The following SAXO1 variants were observed in gnomAD, a reference collection of about 807,000 sequenced individuals.
The protein encoded by SAXO1 is 4930500O09Rik.
Under a neutral mutation model 17.5 loss-of-function variants are expected in SAXO1, and 21 were observed. The ratio of observed to expected loss-of-function variants is 1.20; its 90% CI spans 0.85 to 1.72. SAXO1 has a LOEUF of 1.72. Among genes scored for constraint, SAXO1 ranks in the 40% most tolerant of loss-of-function variants. The probability of loss-of-function intolerance (pLI) is 0.00; values close to 1 mark genes in which losing one functional copy is unlikely to be tolerated. For synonymous variants in SAXO1, 274 were observed against 216.5 expected (o/e 1.27, Z -2.33); for missense variants, 843 against 596.0 (o/e 1.41, Z -4.32).
intron 1 of SAXO1, among the ~76,000 whole-genome samples, chr9:19,014,777 C>G (rs1834899793): frequency 6.6e-6 from 1 of 152,130 alleles, no homozygotes; most frequent in Admixed American, 6.6e-5. Flanking sequence ...TGGGGAACAA[C>G]TGAATGTTGG....
In SAXO1 at chr9:18,944,026, G is replaced by A. The variant is rs548202555; in HGVS notation, c.219-2187C>T. 4.6e-5 allele frequency among the ~76,000 whole-genome samples: 7 copies of A among 152,314 alleles called. No homozygotes were observed. In the South Asian group the frequency reaches 8.3e-4, roughly 18 times the overall value. On this transcript the variant is annotated intron_variant, in intron 2 of 3. Transcript: ENST00000380534. Reference sequence around the variant, plus strand: ...TTGCGCATCTCCCACGGCTTCTACCGGAAAAGAGCAGACAAAAGCCCAAAA... The same window carrying A: ...TTGCGCATCTCCCACGGCTTCTACCAGAAAAGAGCAGACAAAAGCCCAAAA...
chr9:18,973,164 A>G (rs987422768), intron 1 of SAXO1, among the ~76,000 whole-genome samples: 4 of 152,200 alleles, frequency 2.6e-5, no homozygotes, highest in Admixed American at 6.5e-5. Flanking sequence ...AGTCAACAAA[A>G]ATAACGTGTT....
upstream of SAXO1, among the ~76,000 whole-genome samples, chr9:19,037,462 T>C (rs1433632547): frequency 6.6e-6 from 1 of 152,188 alleles, no homozygotes; most frequent in African/African-American, 2.4e-5. Context: ...ATTTGAATCA[T>C]GACAGCAGAT....
intron 1 of SAXO1, among the ~76,000 whole-genome samples, chr9:18,960,904 G>A (rs1832456815): frequency 6.6e-6 from 1 of 152,168 alleles, no homozygotes; most frequent in African/African-American, 2.4e-5. Context: ...GGTTCCCATT[G>A]AGAGTGAGAG....
intron 1 of SAXO1, among the ~76,000 whole-genome samples, chr9:18,969,424 A>C (rs10511666): frequency 0.2 from 31,056 of 152,104 alleles, 6,990 homozygotes; most frequent in African/African-American, 0.56. Context: ...CTAAACAAAT[A>C]TTTCCAAGGC....
At chr9:18,977,075 C>T (rs912061585) in intron 1 of SAXO1, among the ~76,000 whole-genome samples, 3 of 152,186 alleles carry the variant, frequency 2.0e-5, no homozygotes, top group African/African-American at 7.2e-5. Context: ...AGGTCATCTT[C>T]GTGGACTATA....
chr9:19,025,879 C>T (rs1443013643), intron 1 of SAXO1, among the ~76,000 whole-genome samples: 1 of 114,080 alleles, frequency 8.8e-6, no homozygotes, highest in Non-Finnish European at 1.8e-5. Context: ...TTTAGAATTA[C>T]ACTTTTTTTT....
intron 1 of SAXO1, among the ~76,000 whole-genome samples, chr9:18,969,171 T>C (rs920114927): frequency 6.6e-6 from 1 of 152,192 alleles, no homozygotes; most frequent in Non-Finnish European, 1.5e-5. Flanking sequence ...GCTAATAGGC[T>C]TTAGTCCAAC....
At chr9:19,033,891 G>A (rs964484235), upstream of SAXO1, among the ~76,000 whole-genome samples, 8 of 152,110 alleles carry the variant, frequency 5.3e-5, no homozygotes, top group African/African-American at 1.7e-4. Flanking sequence ...GCTGGGCCAC[G>A]GACCACACTT....
At chr9:18,951,860 T>C (rs1053166845) in intron 1 of SAXO1, among the ~76,000 whole-genome samples, 2 of 152,244 alleles carry the variant, frequency 1.3e-5, no homozygotes, top group Non-Finnish European at 2.9e-5. Context: ...ATATATCATA[T>C]CCTAAATTTT....
At chr9:18,936,066 T>A (rs970501323) in intron 3 of SAXO1, among the ~76,000 whole-genome samples, 2 of 152,164 alleles carry the variant, frequency 1.3e-5, no homozygotes, top group Non-Finnish European at 2.9e-5. Flanking sequence ...AGTCTAGAAA[T>A]GGTTGATTTT....
chr9:19,027,754 G>A, intron 1 of SAXO1: 3 of 1,494,064 alleles, frequency 2.0e-6, no homozygotes, highest in Non-Finnish European at 2.8e-6. Flanking sequence ...GAGAGGTGCA[G>A]AGGACGATGC....
At chr9:18,962,724 T>C (rs982646056) in intron 1 of SAXO1, among the ~76,000 whole-genome samples, 1 of 152,224 alleles carries the variant, frequency 6.6e-6, no homozygotes, top group Admixed American at 6.5e-5. Context: ...GATGGACAGA[T>C]TGCAAAAATT....
intron 1 of SAXO1, among the ~76,000 whole-genome samples, chr9:18,977,161 A>C (rs1833185494): frequency 6.6e-6 from 1 of 152,180 alleles, no homozygotes; most frequent in Non-Finnish European, 1.5e-5. Flanking sequence ...AGTTATAATA[A>C]ATTTGTTGCC....
At chr9:19,028,005 G>A (rs565302622) in intron 1 of SAXO1, 64 of 1,602,034 alleles carry the variant, frequency 4.0e-5, no homozygotes, top group Non-Finnish European at 5.2e-5. Context: ...CCCAGTGCAA[G>A]GCTGTGTCTG....
At chr9:19,021,845 C>A (rs982660420) in intron 1 of SAXO1, among the ~76,000 whole-genome samples, 2 of 151,506 alleles carry the variant, frequency 1.3e-5, no homozygotes, top group African/African-American at 2.4e-5. Context: ...GTAAAATGGA[C>A]CAATCAGCAC....
intron 1 of SAXO1, among the ~76,000 whole-genome samples, chr9:19,006,981 G>A (rs1224158362): frequency 1.3e-5 from 2 of 151,950 alleles, no homozygotes; most frequent in Non-Finnish European, 2.9e-5. Flanking sequence ...GGAGGCAAAG[G>A]ATGCAGTGAG....
upstream of SAXO1, among the ~76,000 whole-genome samples, chr9:19,034,558 T>C (rs1389295691): frequency 6.6e-6 from 1 of 152,214 alleles, no homozygotes; most frequent in Non-Finnish European, 1.5e-5. Flanking sequence ...ATTCACTATC[T>C]GACATTTTAC....
intron 1 of SAXO1, among the ~76,000 whole-genome samples, chr9:19,028,346 A>G (rs1835603646): frequency 6.6e-6 from 1 of 152,220 alleles, no homozygotes; most frequent in African/African-American, 2.4e-5. Flanking sequence ...ATTGCACTCC[A>G]GCCTGGGCAA....
Sources: gnomAD v4.1 joint callset for allele counts (sites outside exome capture counted in the v4.1 genomes callset) on GRCh38, gnomAD v4.1.1 for gene constraint, MANE v1.5 for transcripts, NCBI Gene and HGNC (gene_info 2026-07-23, HGNC 2026-07-21) for gene names.